Variants in LSMEM1 observed in about 807,000 individuals in gnomAD.
LSMEM1 encodes leucine-rich single-pass membrane protein 1.
Under a neutral mutation model 11.3 loss-of-function variants are expected in LSMEM1, and 10 were observed. That is an observed-to-expected ratio of 0.89 (90% CI 0.55 to 1.50). LSMEM1 has a LOEUF of 1.50. Ranked by LOEUF, LSMEM1 falls within the 40% of genes most tolerant of loss-of-function variation. The probability of loss-of-function intolerance (pLI) is 0.00; values close to 1 mark genes in which losing one functional copy is unlikely to be tolerated. For synonymous variants in LSMEM1, 65 were observed against 59.3 expected (o/e 1.10, Z -0.44); for missense variants, 151 against 152.9 (o/e 0.99, Z 0.06).
rs1199151603 is a variant in LSMEM1, at chr7:112,481,251, G to A, written c.-101G>A. Reference sequence around the variant, plus strand: ...AGAGAACTACAGAATTTGTAGAAAAGTTTTGTTGTAGTTGCTTCTGAACAA... The same window carrying A: ...AGAGAACTACAGAATTTGTAGAAAAATTTTGTTGTAGTTGCTTCTGAACAA... On this transcript the variant is annotated 5_prime_UTR_variant, in exon 1 of 4. Transcript: ENST00000312849. The A allele has an allele frequency of 6.4e-6, 1 of 157,258 alleles. No individual in the cohort carries two copies. Among genetic ancestry groups the A allele is most frequent in the Admixed American group, 6.4e-5 (1 of 15,606 alleles). The allele number at this position is 157,258 out of a possible 1,614,324, so 9.7% of individuals were successfully genotyped here.
intron 2 of LSMEM1, among the ~76,000 whole-genome samples, chr7:112,486,636 C>T (rs927607100): frequency 6.6e-6 from 1 of 151,996 alleles, no homozygotes; most frequent in East Asian, 1.9e-4. Flanking sequence ...CTTAGCGGGA[C>T]GTGGTGGCGG....
In LSMEM1 at chr7:112,490,125, G is replaced by A. The variant is rs925396472; in HGVS notation, c.*176G>A. The stretch of plus-strand genomic sequence containing the variant: ...ATGGGAGCAATTCCAAGGCAAGTGG[G>A]TATGGGAATAGCAACTAAAAAGGGG... On this transcript the variant is annotated 3_prime_UTR_variant, in exon 4 of 4. Transcript: ENST00000312849. The A allele has an allele frequency of 4.8e-6, 3 of 621,942 alleles. No homozygotes were observed. Among genetic ancestry groups the A allele is most frequent in the South Asian group, 2.5e-5 (1 of 39,688 alleles). The allele number at this position is 621,942 out of a possible 1,614,324, so 38.5% of individuals were successfully genotyped here. A position where few individuals can be genotyped will look rare whatever the true frequency, so the allele number is the denominator to read the frequency against.
intron 2 of LSMEM1, chr7:112,486,432 A>G (rs1483540260): frequency 2.3e-6 from 1 of 434,408 alleles, no homozygotes; most frequent in Non-Finnish European, 4.7e-6. Context: ...ATACCAATAG[A>G]GAAGAAGGTA....
At chr7:112,485,033 G>GC (rs1796102437) in intron 2 of LSMEM1, 90 bp downstream of exon 2, 8 of 1,385,990 alleles carry the variant, frequency 5.8e-6, no homozygotes, top group African/African-American at 4.5e-5. Context: ...GGGTGTGGTG[G>GC]AGGGGGAGGG....
rs1222325209 is a variant in LSMEM1 at position 112,489,718 on chromosome 7, CAGCATCAGCTG to C, written c.257-87_257-77del. ...CAGGGGATTTGCCAAGAGTGTCTTT[CAGCATCAGCTG>C]AGCACCAACATGGGGATCTGATGAA... On this transcript the variant is annotated intron_variant, in intron 3 of 3. Coordinates refer to ENST00000312849, the MANE Select transcript of LSMEM1 (RefSeq NM_182597.3). 2.8e-6 allele frequency: 4 copies of C among 1,417,458 alleles called. No individual in the cohort carries two copies. In the African/African-American group the frequency reaches 5.7e-5, roughly 20 times the overall value. 87.8% of individuals were successfully genotyped at this position (1,417,458 alleles called of 1,614,324 possible). A position where few individuals can be genotyped will look rare whatever the true frequency, so the allele number is the denominator to read the frequency against.
In LSMEM1 at chr7:112,490,513, A is replaced by C. The variant is rs1429479319; in HGVS notation, c.*564A>C. 6.6e-6 allele frequency: 1 copy of C among 152,570 alleles called. No homozygotes were observed. The highest frequency in any genetic ancestry group is 1.9e-4 in the East Asian group (1 of 5,200). 9.5% of individuals were successfully genotyped at this position (152,570 alleles called of 1,614,324 possible). A position where few individuals can be genotyped will look rare whatever the true frequency, so the allele number is the denominator to read the frequency against. On this transcript the variant is annotated 3_prime_UTR_variant, in exon 4 of 4. Transcript: ENST00000312849. The stretch of plus-strand genomic sequence containing the variant: ...TTGCTGTCTGGTGTTTGCTGGTGAA[A>C]ACATGAGCAGTAGTTATGTGGGGCT...
At chr7:112,480,811 C>A, upstream of LSMEM1, 1 of 456,236 alleles carries the variant, frequency 2.2e-6, no homozygotes, top group Non-Finnish European at 4.4e-6. Flanking sequence ...ATGTCATAAT[C>A]ATATTCTGTC....
rs112128839 is a variant in LSMEM1 at position 112,489,168 on chromosome 7, A to G, written c.257-642A>G. 2.6e-3 allele frequency among the ~76,000 whole-genome samples: 389 copies of G among 152,300 alleles called. 2 individuals are homozygous for G. Among genetic ancestry groups the G allele is most frequent in the African/African-American group, 8.5e-3 (354 of 41,564 alleles). ...GGTGAATAAAGAAGAGTGTTTTTTT[A>G]CTGGATAATTGCTCTGTGTTAGATA... On this transcript the variant is annotated intron_variant, in intron 3 of 3. Transcript: ENST00000312849.
chr7:112,487,080 T>G, intron 3 of LSMEM1, 29 bp downstream of exon 3: 1 of 1,608,712 alleles, frequency 6.2e-7, no homozygotes, highest in Non-Finnish European at 8.5e-7. Flanking sequence ...TTCTTTTTTA[T>G]TACTTGTATG....
intron 2 of LSMEM1, chr7:112,486,294 C>T (rs1796125866): frequency 2.4e-6 from 1 of 417,922 alleles, no homozygotes; most frequent in Non-Finnish European, 4.9e-6. Flanking sequence ...TCACTCTTAG[C>T]CTTTAACTTC....
intron 2 of LSMEM1, among the ~76,000 whole-genome samples, chr7:112,485,899 C>T (rs932923418): frequency 1.3e-5 from 2 of 151,284 alleles, no homozygotes; most frequent in Admixed American, 6.6e-5. Flanking sequence ...CAGGTTTCTG[C>T]GTTGCTTATT....
chr7:112,487,375 C>G lies in LSMEM1; in HGVS notation c.256+324C>G. ...CTGGTTGATTCTAGCTTTACTTTAT[C>G]CAATGCCTAGATTTCTCCACTAAAT... is the stretch of plus-strand genomic sequence containing the variant. On this transcript the variant is annotated intron_variant, in intron 3 of 3. Coordinates refer to ENST00000312849, the MANE Select transcript of LSMEM1 (RefSeq NM_182597.3). Among the ~76,000 whole-genome samples the G allele has an allele frequency of 1.3e-5, 2 of 152,220 alleles. 1 individual carries two copies. Among genetic ancestry groups the G allele is most frequent in the Non-Finnish European group, 2.9e-5 (2 of 68,044 alleles).
intron 1 of LSMEM1, chr7:112,483,749 C>G (rs1796077306): frequency 6.6e-6 from 1 of 152,136 alleles, no homozygotes; most frequent in South Asian, 2.1e-4. Context: ...TGCTGCCAGG[C>G]AAATGTGTGA....
At chr7:112,485,039 G>GGGGGGGGGGGC in intron 2 of LSMEM1, 96 bp downstream of exon 2, 1 of 1,330,408 alleles carries the variant, frequency 7.5e-7, no homozygotes, top group Non-Finnish European at 1.0e-6. Context: ...GGTGGAGGGG[G>GGGGGGGGGGGC]AGGGGGCATT....
At chr7:112,486,394 A>C (rs1250593082) in intron 2 of LSMEM1, 2 of 452,712 alleles carry the variant, frequency 4.4e-6, no homozygotes, top group South Asian at 1.6e-5. Context: ...AGGTCTAAGG[A>C]GATAGCTTAA....
chr7:112,483,105 T>C (rs1796060889), intron 1 of LSMEM1, among the ~76,000 whole-genome samples: 1 of 152,008 alleles, frequency 6.6e-6, no homozygotes, highest in Non-Finnish European at 1.5e-5. Flanking sequence ...TGTCTGATAC[T>C]TTTTTTCCCC....
At chr7:112,487,402 C>A (rs983057475) in intron 3 of LSMEM1, among the ~76,000 whole-genome samples, 1 of 152,220 alleles carries the variant, frequency 6.6e-6, no homozygotes, top group South Asian at 2.1e-4. Context: ...CCACTAAATT[C>A]AGATCTATAA....
At chr7:112,489,241 T>A (rs1796194263) in intron 3 of LSMEM1, among the ~76,000 whole-genome samples, 1 of 152,192 alleles carries the variant, frequency 6.6e-6, no homozygotes, top group Admixed American at 6.5e-5. Context: ...CTTAGAAAAT[T>A]TAACTCTGAT....
At chr7:112,486,900 GT>G in intron 2 of LSMEM1, 22 bp from the exon 3 acceptor site, 1 of 1,613,406 alleles carries the variant, frequency 6.2e-7, no homozygotes, top group Non-Finnish European at 8.5e-7. Flanking sequence ...TTTTGTCCTT[GT>G]TTTTTGTTTG....
Sources: allele counts gnomAD v4.1 joint callset (sites outside exome capture counted in the v4.1 genomes callset), GRCh38; gene constraint gnomAD v4.1.1; transcripts MANE v1.5; gene names NCBI Gene and HGNC (gene_info 2026-07-23, HGNC 2026-07-21).